The following KCNIP1 variants were observed in gnomAD, a reference collection of about 807,000 sequenced individuals.
The protein encoded by KCNIP1 is A-type potassium channel modulatory protein KCNIP1.
Under a neutral mutation model 33.0 loss-of-function variants are expected in KCNIP1, and 18 were observed. That is an observed-to-expected ratio of 0.55 (90% CI 0.38 to 0.81). KCNIP1 has a LOEUF of 0.81. KCNIP1 is among the 30% of genes least tolerant of loss of function. The pLI, the probability that KCNIP1 is intolerant of heterozygous loss-of-function variation, is 0.00. For missense variants in KCNIP1, 238 were observed against 271.6 expected (o/e 0.88, Z 0.87); for synonymous variants, 93 against 98.3 (o/e 0.95, Z 0.32).
chr5:170,544,549 A>G (rs915522364), intron 1 of KCNIP1, among the ~76,000 whole-genome samples: 1 of 152,058 alleles, frequency 6.6e-6, no homozygotes, highest in African/African-American at 2.4e-5. Context: ...ATACTTACAG[A>G]CACTGTTGGG....
At chr5:170,651,324 A>G (rs1046629554) in intron 1 of KCNIP1, among the ~76,000 whole-genome samples, 4 of 152,182 alleles carry the variant, frequency 2.6e-5, no homozygotes, top group African/African-American at 9.7e-5. Flanking sequence ...TTAGAGTCCT[A>G]TCTGTATCAG....
intron 1 of KCNIP1, among the ~76,000 whole-genome samples, chr5:170,660,959 G>A (rs1343372920): frequency 6.6e-6 from 1 of 152,250 alleles, no homozygotes; most frequent in Admixed American, 6.5e-5. Context: ...GCCTGCAGAG[G>A]ATTTCCCTGG....
intron 1 of KCNIP1, among the ~76,000 whole-genome samples, chr5:170,497,994 C>T (rs1312038564): frequency 6.6e-6 from 1 of 152,266 alleles, no homozygotes; most frequent in Non-Finnish European, 1.5e-5. Flanking sequence ...CTGCAGTCTA[C>T]ATCAGTCCTG....
chr5:170,721,280 A>T (rs1435888465), intron 3 of KCNIP1, among the ~76,000 whole-genome samples: 2 of 152,172 alleles, frequency 1.3e-5, no homozygotes, highest in Non-Finnish European at 2.9e-5. Context: ...CAGTTTGCTG[A>T]GTTCCACTGA....
intron 1 of KCNIP1, chr5:170,378,786 G>A (rs763498829): frequency 1.2e-6 from 2 of 1,614,274 alleles, no homozygotes. Context: ...CAGCAGGAAG[G>A]TGGGCCAGAA....
rs386477765 is a variant in KCNIP1 at position 170,569,859 on chromosome 5, G to A, written c.61+65226G>A. Among the ~76,000 whole-genome samples the A allele has an allele frequency of 1.4e-3, 207 of 152,232 alleles. 1 individual carries two copies. In the Middle Eastern group the frequency reaches 0.014, roughly 10 times the overall value. On this transcript the variant is annotated intron_variant, in intron 1 of 7. Coordinates refer to ENST00000328939, the MANE Select transcript of KCNIP1 (RefSeq NM_014592.4). ...AGACAAAGAAGTTGCCCTCAGTGAC[G>A]TTCTAGCAGAGTCATCAAAATTGGG...
At chr5:170,642,941 T>C (rs115409914) in intron 1 of KCNIP1, among the ~76,000 whole-genome samples, 1 of 152,122 alleles carries the variant, frequency 6.6e-6, no homozygotes, top group Non-Finnish European at 1.5e-5. Context: ...AAGTGATGAG[T>C]CCAGATGTGG....
intron 1 of KCNIP1, chr5:170,679,275 A>G (rs1237206368): frequency 6.6e-6 from 1 of 152,214 alleles, no homozygotes. Flanking sequence ...AAATTTAACA[A>G]TTAGTTTTCA....
intron 1 of KCNIP1, chr5:170,561,217 A>G (rs543537132): frequency 5.8e-5 from 25 of 430,182 alleles, no homozygotes; most frequent in South Asian, 1.0e-4. Flanking sequence ...TTAAATGTCA[A>G]TTAGAAAGTC....
chr5:170,682,062 G>T (rs1213575753), intron 1 of KCNIP1, among the ~76,000 whole-genome samples: 1 of 152,010 alleles, frequency 6.6e-6, no homozygotes, highest in African/African-American at 2.4e-5. Flanking sequence ...CTCTTCCAAG[G>T]GGCACCACAT....
intron 1 of KCNIP1, among the ~76,000 whole-genome samples, chr5:170,452,991 G>A (rs1756291180): frequency 6.6e-6 from 1 of 152,216 alleles, no homozygotes; most frequent in Non-Finnish European, 1.5e-5. Flanking sequence ...AAGCCTTCTT[G>A]AGGAACAGGA....
At chr5:170,530,269 G>T (rs1167277293) in intron 1 of KCNIP1, among the ~76,000 whole-genome samples, 3 of 152,164 alleles carry the variant, frequency 2.0e-5, no homozygotes, top group African/African-American at 7.2e-5. Flanking sequence ...ATTATTGTTG[G>T]TAATGATCTG....
chr5:170,721,703 A>G, intron 3 of KCNIP1, 130 bp from the exon 4 acceptor site: 1 of 1,605,304 alleles, frequency 6.2e-7, no homozygotes. Context: ...GCCCCACTCC[A>G]TAATTTTCTC....
intron 1 of KCNIP1, among the ~76,000 whole-genome samples, chr5:170,616,119 T>A (rs953084571): frequency 6.6e-6 from 1 of 152,196 alleles, no homozygotes; most frequent in Non-Finnish European, 1.5e-5. Context: ...TTCCAATGGC[T>A]GATGATGGAA....
chr5:170,730,815 T>A (rs11134647), intron 5 of KCNIP1, among the ~76,000 whole-genome samples: 38,599 of 151,816 alleles, frequency 0.25, 6,148 homozygotes, highest in East Asian at 0.81. Context: ...GAGTACTTTA[T>A]TATGCTGAAG....
At chr5:170,412,402 C>G (rs571620198) in intron 1 of KCNIP1, among the ~76,000 whole-genome samples, 11 of 152,200 alleles carry the variant, frequency 7.2e-5, no homozygotes, top group African/African-American at 2.4e-4. Context: ...GCCATTGAGG[C>G]CTCTGGACAT....
intron 1 of KCNIP1, among the ~76,000 whole-genome samples, chr5:170,715,898 C>T (rs868672945): frequency 4.6e-5 from 7 of 152,190 alleles, no homozygotes; most frequent in African/African-American, 1.7e-4. Flanking sequence ...GTCAAGGAGG[C>T]TCCCCACGGG....
At chr5:170,713,892 G>C (rs801987) in intron 1 of KCNIP1, among the ~76,000 whole-genome samples, 97,252 of 151,764 alleles carry the variant, frequency 0.64, 32,242 homozygotes, top group East Asian at 0.95. Context: ...GGCATGGTGG[G>C]GCACACCTGT....
intron 1 of KCNIP1, among the ~76,000 whole-genome samples, chr5:170,658,803 G>A (rs1183460042): frequency 2.0e-5 from 3 of 152,090 alleles, no homozygotes; most frequent in Non-Finnish European, 4.4e-5. Flanking sequence ...CATTTGAGAC[G>A]GTCACTGCAA....
Sources: gnomAD v4.1 joint callset for allele counts (sites outside exome capture counted in the v4.1 genomes callset) on GRCh38, gnomAD v4.1.1 for gene constraint, MANE v1.5 for transcripts, NCBI Gene and HGNC (gene_info 2026-07-23, HGNC 2026-07-21) for gene names.